The following ZSWIM5 variants were observed in gnomAD, a reference collection of about 807,000 sequenced individuals.
ZSWIM5 encodes the protein zinc finger SWIM domain-containing protein 5.
Under a neutral mutation model 119.6 loss-of-function variants are expected in ZSWIM5, and 55 were observed. That is an observed-to-expected ratio of 0.46 (90% confidence interval 0.37 to 0.58). ZSWIM5 has a LOEUF of 0.58. ZSWIM5 is among the 20% of genes least tolerant of loss of function. The probability of loss-of-function intolerance (pLI) is 0.00; values close to 1 mark genes in which losing one functional copy is unlikely to be tolerated. For synonymous variants in ZSWIM5, 537 were observed against 606.9 expected (o/e 0.88, Z 1.69); for missense variants, 1,193 against 1,512.8 (o/e 0.79, Z 3.51).
intron 2 of ZSWIM5, among the ~76,000 whole-genome samples, chr1:45,077,939 T>C (rs1645265276): frequency 6.6e-6 from 1 of 152,250 alleles, no homozygotes; most frequent in African/African-American, 2.4e-5. Flanking sequence ...GAACAATTGC[T>C]GTTATCCTGT....
At chr1:45,200,599 T>C (rs956336204) in intron 1 of ZSWIM5, among the ~76,000 whole-genome samples, 1 of 152,348 alleles carries the variant, frequency 6.6e-6, no homozygotes, top group East Asian at 1.9e-4. Context: ...AATCTATTCA[T>C]TCATATATGT....
chr1:45,206,541 C>G lies in ZSWIM5; in HGVS notation c.-191G>C. 9.8e-7 allele frequency: 1 copy of G among 1,016,972 alleles called. No homozygotes were observed. Among genetic ancestry groups the G allele is most frequent in the Non-Finnish European group, 1.2e-6 (1 of 852,164 alleles). 63.0% of individuals were successfully genotyped at this position (1,016,972 alleles called of 1,614,324 possible). A position where few individuals can be genotyped will look rare whatever the true frequency, so the allele number is the denominator to read the frequency against. Reference sequence around the variant, plus strand: ...CCCGGGAGCGCGCCGCGAGGGCAGACGCGGGCGGCCTGCAGGGTAGCGTGA... The same window carrying G: ...CCCGGGAGCGCGCCGCGAGGGCAGAGGCGGGCGGCCTGCAGGGTAGCGTGA... On this transcript the variant is annotated 5_prime_UTR_variant, in exon 1 of 14. Transcript: ENST00000359600.
intron 1 of ZSWIM5, among the ~76,000 whole-genome samples, chr1:45,176,075 G>A (rs1357377848): frequency 6.6e-6 from 1 of 150,836 alleles, no homozygotes; most frequent in Non-Finnish European, 1.5e-5. Context: ...TGGGCATTAG[G>A]TGTGCTTATT....
chr1:45,199,401 C>A (rs1646146289), intron 1 of ZSWIM5, among the ~76,000 whole-genome samples: 1 of 151,894 alleles, frequency 6.6e-6, no homozygotes, highest in South Asian at 2.1e-4. Flanking sequence ...CGGCTTCAAG[C>A]AATTCTCCTG....
intron 1 of ZSWIM5, among the ~76,000 whole-genome samples, chr1:45,189,818 C>G (rs1280156503): frequency 6.6e-6 from 1 of 152,146 alleles, no homozygotes; most frequent in Non-Finnish European, 1.5e-5. Flanking sequence ...ACATTATGTG[C>G]TATCTCAGCA....
chr1:45,186,780 C>G (rs948211890), intron 1 of ZSWIM5, among the ~76,000 whole-genome samples: 2 of 151,854 alleles, frequency 1.3e-5, no homozygotes, highest in Non-Finnish European at 2.9e-5. Flanking sequence ...TAGTCAAGAC[C>G]GGGTTTTGCC....
intron 11 of ZSWIM5, among the ~76,000 whole-genome samples, chr1:45,021,409 G>C (rs963394111): frequency 2.6e-5 from 4 of 152,158 alleles, no homozygotes; most frequent in African/African-American, 7.2e-5. Context: ...CCCACTGTCT[G>C]CTTCTCACTA....
intron 11 of ZSWIM5, among the ~76,000 whole-genome samples, chr1:45,033,258 G>A (rs981739551): frequency 3.3e-5 from 5 of 152,164 alleles, no homozygotes; most frequent in Non-Finnish European, 7.4e-5. Flanking sequence ...TGAACTGTCT[G>A]ATCATATGCT....
At position 45,036,261 on chromosome 1, in the gene ZSWIM5, G is replaced by A. The variant is rs760265989; in HGVS notation, c.1933C>T (p.Pro645Ser). The A allele has an allele frequency of 6.2e-7, 1 of 1,613,938 alleles. No individual in the cohort carries two copies. The highest frequency in any genetic ancestry group is 8.5e-7 in the Non-Finnish European group (1 of 1,180,002). ...CTGTTTGGGGAGCCTGCAGCCACAG[G>A]TACATGCTGGTACACAGGGGGTCTG... ...ESRPPVYQHV[P>S]VAAGSPNSSE... Residue 645 changes from proline to serine, a missense_variant, in exon 9 of 14, where the codon CCT (proline) becomes TCT (serine). Pro to Ser is a moderately conservative substitution (Grantham distance 74). Around this residue, in one of 2 missense-constraint regions of ZSWIM5, gnomAD observed 961 missense variants for 1,290.0 expected, o/e 0.74. Coordinates refer to ENST00000359600, the MANE Select transcript of ZSWIM5 (RefSeq NM_020883.2).
chr1:45,068,958 A>G (rs1427374133), intron 2 of ZSWIM5, among the ~76,000 whole-genome samples: 1 of 150,730 alleles, frequency 6.6e-6, no homozygotes, highest in South Asian at 2.1e-4. Flanking sequence ...GGCACACACC[A>G]CCATGCCCAG....
intron 11 of ZSWIM5, among the ~76,000 whole-genome samples, chr1:45,022,898 CG>C (rs1311614406): frequency 1.3e-5 from 2 of 152,210 alleles, no homozygotes; most frequent in African/African-American, 4.8e-5. Context: ...CATCATTACA[CG>C]TGGATTCAAC....
intron 1 of ZSWIM5, among the ~76,000 whole-genome samples, chr1:45,160,989 A>ATTTTTTTTTTTTTTTTTTTTTT (rs534599856): frequency 1.5e-4 from 19 of 122,656 alleles, no homozygotes; most frequent in East Asian, 4.5e-4. Flanking sequence ...GCCCGGCTAA[A>ATTTTTTTTTTTTTTTTTTTTTT]TTTTTTTTTT....
chr1:45,168,882 AT>A (rs1396131882), intron 1 of ZSWIM5, among the ~76,000 whole-genome samples: 1 of 152,098 alleles, frequency 6.6e-6, no homozygotes, highest in East Asian at 1.9e-4. Flanking sequence ...AAAATGGCAT[AT>A]GTGATTTGCA....
chr1:45,128,990 T>C (rs572210982), intron 1 of ZSWIM5, among the ~76,000 whole-genome samples: 1 of 152,256 alleles, frequency 6.6e-6, no homozygotes, highest in East Asian at 1.9e-4. Context: ...CACCAAAAAA[T>C]ATCTCATTGT....
intron 1 of ZSWIM5, among the ~76,000 whole-genome samples, chr1:45,174,484 G>C (rs985430675): frequency 6.6e-6 from 1 of 151,408 alleles, no homozygotes; most frequent in African/African-American, 2.4e-5. Context: ...TGTAATCCCA[G>C]GACTTTGGGA....
intron 11 of ZSWIM5, among the ~76,000 whole-genome samples, chr1:45,027,372 T>C (rs1644926913): frequency 6.6e-6 from 1 of 151,856 alleles, no homozygotes; most frequent in African/African-American, 2.4e-5. Context: ...ATGATTGATT[T>C]TATTTTATAA....
At chr1:45,182,424 A>C (rs886451845) in intron 1 of ZSWIM5, among the ~76,000 whole-genome samples, 3 of 151,012 alleles carry the variant, frequency 2.0e-5, no homozygotes, top group Non-Finnish European at 4.4e-5. Context: ...ACAAACAAAC[A>C]AACAAACAAA....
At position 45,101,120 on chromosome 1, in the gene ZSWIM5, G is replaced by A. The variant is rs1229123091; in HGVS notation, c.596-12883C>T. On this transcript the variant is annotated intron_variant, in intron 1 of 13. Coordinates refer to ENST00000359600, the MANE Select transcript of ZSWIM5 (RefSeq NM_020883.2). ...GAGTGAACAGGCAACCTACAGAATG[G>A]GAGAAAATTTTTGCAATCTACTCAT... 3.3e-5 allele frequency among the ~76,000 whole-genome samples: 5 copies of A among 151,598 alleles called. No individual in the cohort carries two copies. The South Asian group carries it at 8.5e-4, about 26-fold the overall frequency.
intron 1 of ZSWIM5, among the ~76,000 whole-genome samples, chr1:45,118,416 G>A (rs571389239): frequency 4.5e-4 from 69 of 152,262 alleles, no homozygotes; most frequent in African/African-American, 1.6e-3. Context: ...CTAATTTCCT[G>A]AGTACTAAGA....
Sources: allele counts gnomAD v4.1 joint callset (sites outside exome capture counted in the v4.1 genomes callset), GRCh38; gene constraint gnomAD v4.1.1; regional missense constraint gnomAD v4.1.1; transcripts MANE v1.5; gene names NCBI Gene and HGNC (gene_info 2026-07-23, HGNC 2026-07-21).